EYA1: variants seen among roughly 807,000 people sequenced by gnomAD.
The protein encoded by EYA1 is protein phosphatase EYA1.
In EYA1, 16 loss-of-function variants were observed where a neutral mutation model predicts 82.0. That is an observed-to-expected ratio of 0.20 (90% CI 0.13 to 0.30). The LOEUF is 0.30. EYA1 is among the 10% of genes least tolerant of loss of function. The pLI is 1.00. For synonymous variants in EYA1, 261 were observed against 264.4 expected (o/e 0.99, Z 0.12); for missense variants, 633 against 730.7 (o/e 0.87, Z 1.54).
chr8:71,455,276 C>G (rs1807787536), intron 2 of EYA1, among the ~76,000 whole-genome samples: 1 of 151,910 alleles, frequency 6.6e-6, no homozygotes, highest in Non-Finnish European at 1.5e-5. Context: ...AGCCTACCAA[C>G]CAAAAAAAAA....
chr8:71,224,749 T>G (rs1810357100), intron 12 of EYA1, among the ~76,000 whole-genome samples: 1 of 152,218 alleles, frequency 6.6e-6, no homozygotes, highest in Non-Finnish European at 1.5e-5. Context: ...CACAGAAAAC[T>G]AAATTACACA....
chr8:71,407,715 G>A (rs1297069184), intron 2 of EYA1, among the ~76,000 whole-genome samples: 2 of 121,834 alleles, frequency 1.6e-5, no homozygotes, highest in African/African-American at 6.8e-5. Context: ...AGAAATATGG[G>A]ACTATGTGAA....
At position 71,508,079 on chromosome 8, in the gene EYA1, A is replaced by G. The variant is rs374639948; in HGVS notation, c.33+27665T>C. Among the ~76,000 whole-genome samples, 290 of 152,298 alleles carry G rather than the reference A, an allele frequency of 1.9e-3. 1 individual carries two copies. The highest frequency in any genetic ancestry group is 6.6e-3 in the African/African-American group (276 of 41,562). On this transcript the variant is annotated intron_variant, in intron 2 of 18. Transcript: ENST00000643681. ...GCCTTCTGCTTAAGGGACCCTCTAC[A>G]TAGTAATGCCACTCACTACCCAAGT... is the stretch of plus-strand genomic sequence containing the variant.
intron 3 of EYA1, among the ~76,000 whole-genome samples, chr8:71,340,610 G>C (rs1825010455): frequency 6.6e-6 from 1 of 152,030 alleles, no homozygotes; most frequent in Non-Finnish European, 1.5e-5. Context: ...CTGTGATCTA[G>C]TACTCAGGGG....
At chr8:71,517,706 A>ACT (rs989428519) in intron 2 of EYA1, among the ~76,000 whole-genome samples, 1 of 102,458 alleles carries the variant, frequency 9.8e-6, no homozygotes, top group Non-Finnish European at 2.0e-5. Context: ...AGGAAAACAT[A>ACT]CTATATATAT....
At chr8:71,479,558 C>T (rs1457165553) in intron 2 of EYA1, among the ~76,000 whole-genome samples, 1 of 150,128 alleles carries the variant, frequency 6.7e-6, no homozygotes, top group African/African-American at 2.5e-5. Flanking sequence ...TACTACAGTA[C>T]CTGCTGCATA....
rs904995030 is a variant in EYA1 at position 71,317,484 on chromosome 8, A to G, written c.556+68T>C. 5 of 1,503,644 alleles carry G rather than the reference A, an allele frequency of 3.3e-6. No individual in the cohort carries two copies. In the Admixed American group the frequency reaches 5.0e-5, roughly 15 times the overall value. The allele number at this position is 1,503,644 out of a possible 1,614,324, so 93.1% of individuals were successfully genotyped here. ...TCATTTACTATTTACATGGAACATC[A>G]GGTTCTACTTTAGAAGTTAACTATC... On this transcript the variant is annotated intron_variant, in intron 7 of 17. Coordinates refer to ENST00000340726, the MANE Select transcript of EYA1 (RefSeq NM_000503.6).
rs145999029 is a variant in EYA1, at chr8:71,460,087, G to T, written c.33+75657C>A. Among the ~76,000 whole-genome samples, 461 of 152,068 alleles carry T rather than the reference G, an allele frequency of 3.0e-3. 3 individuals are homozygous for T. Among genetic ancestry groups the T allele is most frequent in the African/African-American group, 0.011 (437 of 41,500 alleles). On this transcript the variant is annotated intron_variant, in intron 2 of 18. Coordinates refer to the EYA1 transcript ENST00000643681. ...GAAAAAGCATTTGAACATTTTTTGCGCCCCCAGCATTTGTGATACAGAAGA... is the reference window on the plus strand; with the variant it reads ...GAAAAAGCATTTGAACATTTTTTGCTCCCCCAGCATTTGTGATACAGAAGA...
chr8:71,498,818 C>T (rs1263864519), intron 2 of EYA1, among the ~76,000 whole-genome samples: 4 of 152,284 alleles, frequency 2.6e-5, no homozygotes, highest in Admixed American at 1.3e-4. Context: ...ACTGGAGTCA[C>T]AAGCAGGGCT....
In EYA1 at chr8:71,407,887, C is replaced by T. The variant is rs1006700108; in HGVS notation, c.34-51376G>A. On this transcript the variant is annotated intron_variant, in intron 2 of 18. Coordinates refer to the EYA1 transcript ENST00000643681. ...ATACAGAGAACACCACAAAGATACT[C>T]CTTGAGAAGAGCAACTCCAAGACAC... Among the ~76,000 whole-genome samples the T allele has an allele frequency of 3.3e-5, 5 of 150,042 alleles. No individual in the cohort carries two copies. In the Admixed American group the frequency reaches 3.4e-4, roughly 10 times the overall value.
At chr8:71,515,711 A>G (rs1812925189) in intron 2 of EYA1, among the ~76,000 whole-genome samples, 1 of 152,184 alleles carries the variant, frequency 6.6e-6, no homozygotes, top group Non-Finnish European at 1.5e-5. Context: ...AAAGAAAATT[A>G]GAATGAAAAG....
At chr8:71,393,764 G>C (rs1023655386) in intron 2 of EYA1, among the ~76,000 whole-genome samples, 3 of 152,200 alleles carry the variant, frequency 2.0e-5, no homozygotes, top group African/African-American at 7.2e-5. Context: ...ACGTGTGCAT[G>C]TGTCTTAATA....
intron 7 of EYA1, among the ~76,000 whole-genome samples, chr8:71,307,136 C>T (rs1820816854): frequency 6.6e-6 from 1 of 152,230 alleles, no homozygotes; most frequent in Non-Finnish European, 1.5e-5. Context: ...GGAAGAATGA[C>T]TTTAAGGCCC....
At chr8:71,485,159 A>T (rs534961048) in intron 2 of EYA1, among the ~76,000 whole-genome samples, 14 of 152,374 alleles carry the variant, frequency 9.2e-5, no homozygotes, top group South Asian at 2.1e-4. Context: ...AGTAGATAGG[A>T]AAATGCTTTT....
At chr8:71,326,356 T>A (rs1219144914) in intron 4 of EYA1, among the ~76,000 whole-genome samples, 3 of 152,058 alleles carry the variant, frequency 2.0e-5, no homozygotes, top group Non-Finnish European at 4.4e-5. Flanking sequence ...TACCCTTTTA[T>A]CATAAGTCCA....
intron 5 of EYA1, 56 bp from the exon 6 acceptor site, chr8:71,321,935 A>G (rs1425684840): frequency 1.9e-6 from 3 of 1,605,248 alleles, no homozygotes; most frequent in Non-Finnish European, 2.6e-6. Context: ...GGAAACATGC[A>G]AACCGATTAA....
intron 16 of EYA1, among the ~76,000 whole-genome samples, chr8:71,213,580 T>C (rs1318840844): frequency 6.6e-6 from 1 of 152,256 alleles, no homozygotes; most frequent in Non-Finnish European, 1.5e-5. Context: ...TCTTGCTTTT[T>C]GATATTTTCC....
chr8:71,214,917 G>A (rs1346275550), intron 16 of EYA1, among the ~76,000 whole-genome samples: 1 of 152,050 alleles, frequency 6.6e-6, no homozygotes, highest in African/African-American at 2.4e-5. Context: ...TTTCATGCAA[G>A]AAGCTTTTAA....
At chr8:71,418,972 A>T (rs187701083) in intron 2 of EYA1, among the ~76,000 whole-genome samples, 144 of 152,338 alleles carry the variant, frequency 9.5e-4, no homozygotes, top group African/African-American at 3.3e-3. Context: ...CGCTTAAAGC[A>T]CCTGAAAATC....
Sources: allele counts gnomAD v4.1 joint callset (sites outside exome capture counted in the v4.1 genomes callset), GRCh38; gene constraint gnomAD v4.1.1; transcripts MANE v1.5; gene names NCBI Gene and HGNC (gene_info 2026-07-23, HGNC 2026-07-21).